The following CHST9 variants were observed in gnomAD, a reference collection of about 807,000 sequenced individuals.
The protein encoded by CHST9 is GalNAc-4-sulfotransferase 2.
A neutral mutation model predicts 44.4 loss-of-function variants in CHST9; 41 were observed. That is an observed-to-expected ratio of 0.92 (90% CI 0.72 to 1.20). CHST9 has a LOEUF of 1.20. Among genes scored for constraint, CHST9 ranks in the 50% most tolerant of loss-of-function variants. The pLI is 0.00. For synonymous variants in CHST9, 171 were observed against 178.4 expected (o/e 0.96, Z 0.33); for missense variants, 504 against 516.5 (o/e 0.98, Z 0.23).
chr18:27,070,760 C>A (rs2057830704), intron 2 of CHST9, among the ~76,000 whole-genome samples: 2 of 152,204 alleles, frequency 1.3e-5, no homozygotes, highest in South Asian at 4.1e-4. Flanking sequence ...TTGCTTTTGC[C>A]AGTTATGCAG....
intron 2 of CHST9, among the ~76,000 whole-genome samples, chr18:27,105,558 GAAGTT>G (rs1486942568): frequency 1.3e-5 from 2 of 152,172 alleles, no homozygotes; most frequent in East Asian, 1.9e-4. Context: ...GAAGAGAAGA[GAAGTT>G]AAGAAGAAAA....
intron 4 of CHST9, among the ~76,000 whole-genome samples, chr18:26,977,426 A>T (rs1352396570): frequency 1.1e-4 from 3 of 28,298 alleles, no homozygotes; most frequent in East Asian, 3.8e-3. Context: ...GGTCACTTGT[A>T]AAAAAAAAAA....
chr18:27,110,195 A>G (rs890619283), intron 2 of CHST9, among the ~76,000 whole-genome samples: 1 of 151,272 alleles, frequency 6.6e-6, no homozygotes, highest in Admixed American at 6.6e-5. Flanking sequence ...TGTTTTGCCA[A>G]TTTGCTACTT....
At chr18:26,937,044 T>G (rs1235449867) in intron 5 of CHST9, among the ~76,000 whole-genome samples, 4 of 152,106 alleles carry the variant, frequency 2.6e-5, no homozygotes, top group African/African-American at 9.7e-5. Flanking sequence ...AAAGAAAACA[T>G]TTTATAGTGA....
At chr18:26,984,842 A>G (rs942714861) in intron 4 of CHST9, among the ~76,000 whole-genome samples, 1 of 152,192 alleles carries the variant, frequency 6.6e-6, no homozygotes, top group African/African-American at 2.4e-5. Context: ...GAAAAAGTGA[A>G]CAATGCCAAG....
At chr18:27,153,621 T>C (rs1598762272) in intron 1 of CHST9, among the ~76,000 whole-genome samples, 1 of 151,856 alleles carries the variant, frequency 6.6e-6, no homozygotes, top group African/African-American at 2.4e-5. Flanking sequence ...CTTATAAAGA[T>C]ACTTGTCCTT....
chr18:27,090,848 G>C (rs1224655573), intron 2 of CHST9, among the ~76,000 whole-genome samples: 1 of 152,162 alleles, frequency 6.6e-6, no homozygotes, highest in Non-Finnish European at 1.5e-5. Flanking sequence ...GGTTACTGTA[G>C]TCTTGTATTA....
chr18:26,946,992 G>C (rs1267151208), intron 4 of CHST9, among the ~76,000 whole-genome samples: 4 of 152,094 alleles, frequency 2.6e-5, no homozygotes, highest in African/African-American at 9.7e-5. Flanking sequence ...GGTTGTCTTG[G>C]CTATATGTGC....
At chr18:26,942,467 T>C (rs1173488709) in intron 5 of CHST9, among the ~76,000 whole-genome samples, 1 of 152,218 alleles carries the variant, frequency 6.6e-6, no homozygotes, top group Admixed American at 6.5e-5. Context: ...TAATTTTATA[T>C]GGCATCAGAT....
At chr18:26,918,193 T>A (rs1349203230) in intron 5 of CHST9, among the ~76,000 whole-genome samples, 2 of 152,150 alleles carry the variant, frequency 1.3e-5, no homozygotes, top group Non-Finnish European at 2.9e-5. Flanking sequence ...CAAGGTGGCA[T>A]CCTCTGGTAG....
intron 1 of CHST9, among the ~76,000 whole-genome samples, chr18:27,171,585 G>C (rs1448474402): frequency 1.3e-5 from 2 of 152,140 alleles, no homozygotes; most frequent in African/African-American, 2.4e-5. Context: ...GGAGCATACA[G>C]TCCTATGAAG....
intron 2 of CHST9, among the ~76,000 whole-genome samples, chr18:27,129,372 AT>A (rs199614961): frequency 0.029 from 4,411 of 151,304 alleles, 185 homozygotes; most frequent in African/African-American, 0.095. Flanking sequence ...TTTATTTTTT[AT>A]TTTTTTTATT....
rs1053271372 is a variant in CHST9, at chr18:27,159,113, ATTAGATCCC to A, written c.-96-16217_-96-16209del. ...TGCTGTGCAGAAGCTCTTTAGTTTA[ATTAGATCCC>A]ATTTGTCAATTTTGGCTTTTGTTGC... On this transcript the variant is annotated intron_variant, in intron 1 of 5. Coordinates refer to ENST00000618847, the MANE Select transcript of CHST9 (RefSeq NM_031422.6). 3.9e-5 allele frequency among the ~76,000 whole-genome samples: 6 copies of A among 152,114 alleles called. No individual in the cohort carries two copies. In the East Asian group the frequency reaches 1.2e-3, roughly 29 times the overall value.
chr18:26,980,608 T>C (rs996219904), intron 4 of CHST9, among the ~76,000 whole-genome samples: 68 of 152,324 alleles, frequency 4.5e-4, no homozygotes, highest in African/African-American at 1.6e-3. Context: ...CCATTTTATA[T>C]GTCAGGTTTC....
chr18:27,070,924 C>T (rs974473381), intron 2 of CHST9, among the ~76,000 whole-genome samples: 2 of 152,162 alleles, frequency 1.3e-5, no homozygotes, highest in Admixed American at 6.5e-5. Context: ...AAGGAGGGGA[C>T]TAGCCAGACT....
intron 2 of CHST9, among the ~76,000 whole-genome samples, chr18:27,122,828 C>T (rs1467523310): frequency 6.6e-6 from 1 of 152,056 alleles, no homozygotes; most frequent in East Asian, 1.9e-4. Context: ...AATACATCTC[C>T]AGTTTGACTA....
At chr18:27,014,057 G>A (rs2145251427) in intron 4 of CHST9, among the ~76,000 whole-genome samples, 1 of 152,196 alleles carries the variant, frequency 6.6e-6, no homozygotes, top group East Asian at 1.9e-4. Flanking sequence ...TAAATAACAA[G>A]ATTCAAGAAC....
intron 2 of CHST9, among the ~76,000 whole-genome samples, chr18:27,078,368 T>C (rs1481326782): frequency 6.6e-6 from 1 of 152,158 alleles, no homozygotes; most frequent in Non-Finnish European, 1.5e-5. Context: ...GTATAGTCAG[T>C]TCCTGTTATT....
intron 1 of CHST9, among the ~76,000 whole-genome samples, chr18:27,161,723 T>C (rs1210232135): frequency 6.6e-6 from 1 of 152,090 alleles, no homozygotes; most frequent in East Asian, 1.9e-4. Flanking sequence ...AAATCTCCCG[T>C]TATTATTGTG....
Sources: allele counts gnomAD v4.1 joint callset (sites outside exome capture counted in the v4.1 genomes callset), GRCh38; gene constraint gnomAD v4.1.1; transcripts MANE v1.5; gene names NCBI Gene and HGNC (gene_info 2026-07-23, HGNC 2026-07-21).